DMD: variants seen among roughly 807,000 people sequenced by gnomAD.
DMD encodes mutant dystrophin.
In DMD, 63 loss-of-function variants were observed where a neutral mutation model predicts 330.1. The ratio of observed to expected loss-of-function variants is 0.19; its 90% confidence interval spans 0.16 to 0.24. DMD has a LOEUF of 0.24. Ranked by LOEUF, DMD falls within the 10% of genes least tolerant of loss-of-function variation. DMD has a pLI of 1.00. For missense variants in DMD, 3,344 were observed against 2,684.1 expected, an observed-to-expected ratio of 1.25 and a Z score of -5.43; for synonymous variants, 1,223 against 959.8, an observed-to-expected ratio of 1.27 and a Z score of -5.07.
intron 62 of DMD, among the ~76,000 whole-genome samples, chrX:31,297,149 G>A (rs2054251380): frequency 9.0e-6 from 1 of 111,345 alleles, no homozygotes; most frequent in African/African-American, 3.3e-5. Flanking sequence ...ACTCAAGTCT[G>A]TAATTATATA....
At chrX:32,667,767 G>GTTTT (rs201162726) in intron 9 of DMD, among the ~76,000 whole-genome samples, 4,956 of 81,516 alleles carry the variant, frequency 0.061, 174 homozygotes, top group African/African-American at 0.12. Context: ...CTGCTTTTGT[G>GTTTT]TTTTTTTTTT....
At chrX:31,328,944 C>T (rs2056945946) in intron 61 of DMD, among the ~76,000 whole-genome samples, 1 of 112,020 alleles carries the variant, frequency 8.9e-6, no homozygotes, top group South Asian at 3.7e-4. Context: ...GAGAGAAATG[C>T]CTTTGAATAG....
At chrX:31,959,105 A>T in intron 45 of DMD, among the ~76,000 whole-genome samples, 1 of 111,811 alleles carries the variant, frequency 8.9e-6, no homozygotes, top group Non-Finnish European at 1.9e-5. Flanking sequence ...TGAATCTGTC[A>T]GGTTTTTAAA....
At chrX:32,043,713 T>C (rs2096031348) in intron 44 of DMD, among the ~76,000 whole-genome samples, 2 of 111,891 alleles carry the variant, frequency 1.8e-5, no homozygotes, top group African/African-American at 6.5e-5. Flanking sequence ...TTACGTAGGT[T>C]AACTCCCATA....
chrX:32,206,323 G>A, intron 44 of DMD: 1 of 543,786 alleles, frequency 1.8e-6, no homozygotes, highest in East Asian at 3.7e-5. Flanking sequence ...TCTGCTCCTG[G>A]AGGTGGTAGC....
rs73617072 is a variant in DMD, at chrX:31,294,464, T to A, written c.9224+29134A>T. 3.6e-3 allele frequency among the ~76,000 whole-genome samples: 409 copies of A among 112,433 alleles called. 1 individual carries two copies. The highest frequency in any genetic ancestry group is 0.012 in the African/African-American group (383 of 30,972). ...GACCATGGGATCAGGTATCAGAAGA[T>A]CTGGTTTTCTAGACCAGTTTAGCCA... On this transcript the variant is annotated intron_variant, in intron 62 of 78. Transcript: ENST00000357033.
intron 43 of DMD, among the ~76,000 whole-genome samples, chrX:32,223,475 G>T (rs751367027): frequency 9.0e-6 from 1 of 111,405 alleles, no homozygotes; most frequent in Non-Finnish European, 1.9e-5. Context: ...AAGTAGTTTT[G>T]GTTTGGGGCT....
At chrX:31,777,467 C>T in intron 50 of DMD, among the ~76,000 whole-genome samples, 1 of 101,497 alleles carries the variant, frequency 9.9e-6, no homozygotes, top group Admixed American at 1.1e-4. Flanking sequence ...TGAATCCTTG[C>T]TCTATAATTT....
intron 9 of DMD, among the ~76,000 whole-genome samples, chrX:32,681,619 T>C (rs1364920092): frequency 8.9e-6 from 1 of 111,755 alleles, no homozygotes; most frequent in Non-Finnish European, 1.9e-5. Flanking sequence ...TTCACTCAAC[T>C]CTTAGAATAT....
chrX:32,514,647 A>G (rs1366704887), intron 18 of DMD, among the ~76,000 whole-genome samples: 1 of 112,477 alleles, frequency 8.9e-6, no homozygotes, highest in Non-Finnish European at 1.9e-5. Context: ...AGGCTGAGGC[A>G]GGAGAACGGC....
chrX:32,472,366 G>C (rs2040749598), intron 21 of DMD, 57 bp from the exon 22 acceptor site: 1 of 1,143,630 alleles, frequency 8.7e-7, no homozygotes, highest in African/African-American at 1.8e-5. Context: ...ACTTTGCCAT[G>C]TTTTCCTAAA....
At chrX:32,934,313 G>T (rs779295020) in intron 2 of DMD, among the ~76,000 whole-genome samples, 1 of 111,191 alleles carries the variant, frequency 9.0e-6, no homozygotes, top group East Asian at 2.8e-4. Context: ...TAATCCCCCT[G>T]GGAGGCTGAG....
Position 32,669,028 on chromosome X carries a change from T to C in DMD, c.961-23876A>G, listed in dbSNP as rs751582425. ...ATACACAGGAATTTACGGTGTACTGTAGATTCCTACCACAGAGTGTATCAT... is the reference window on the plus strand; with the variant it reads ...ATACACAGGAATTTACGGTGTACTGCAGATTCCTACCACAGAGTGTATCAT... On this transcript the variant is annotated intron_variant, in intron 9 of 78. Coordinates refer to ENST00000357033, the MANE Select transcript of DMD (RefSeq NM_004006.3). 1.2e-3 allele frequency among the ~76,000 whole-genome samples: 130 copies of C among 111,297 alleles called. 2 individuals carry two copies. Among genetic ancestry groups the C allele is most frequent in the Non-Finnish European group, 2.1e-3 (109 of 53,051 alleles).
intron 42 of DMD, among the ~76,000 whole-genome samples, chrX:32,293,021 A>G (rs2097480320): frequency 8.9e-6 from 1 of 112,499 alleles, no homozygotes; most frequent in Non-Finnish European, 1.9e-5. Flanking sequence ...ATTTCAAGGC[A>G]TTCTCTTCCA....
At chrX:33,097,270 T>G (rs1603275728) in intron 1 of DMD, among the ~76,000 whole-genome samples, 1 of 109,522 alleles carries the variant, frequency 9.1e-6, no homozygotes, top group East Asian at 2.9e-4. Flanking sequence ...TGGTTCCACA[T>G]AGAAGCAGAA....
In DMD at chrX:32,325,876, T is replaced by C. The variant is rs331311; in HGVS notation, c.5923-15600A>G. Among the ~76,000 whole-genome samples, 475 of 107,155 alleles carry C rather than the reference T, an allele frequency of 4.4e-3. 2 individuals are homozygous for C. The highest frequency in any genetic ancestry group is 7.5e-3 in the Non-Finnish European group (390 of 52,022). The allele number at this position is 107,155 out of a possible 115,157, so 93.1% of individuals were successfully genotyped here. The stretch of plus-strand genomic sequence containing the variant: ...TGGAGTGCAGTGGCTTGATCTCGGC[T>C]CACTGCAAACTACACTTCCCAGGTT... On this transcript the variant is annotated intron_variant, in intron 41 of 78. Transcript: ENST00000357033.
chrX:32,192,977 G>C (rs1296318834), intron 44 of DMD, among the ~76,000 whole-genome samples: 1 of 112,073 alleles, frequency 8.9e-6, no homozygotes, highest in African/African-American at 3.2e-5. Flanking sequence ...ACTGGATCAT[G>C]TGTGTGGATT....
chrX:31,432,344 C>T (rs2064151023), intron 60 of DMD, among the ~76,000 whole-genome samples: 1 of 111,188 alleles, frequency 9.0e-6, no homozygotes, highest in South Asian at 3.8e-4. Context: ...CCCAGCAGGG[C>T]GGAAAGGATT....
intron 47 of DMD, among the ~76,000 whole-genome samples, chrX:31,893,427 T>C (rs1025644862): frequency 1.8e-5 from 2 of 111,744 alleles, no homozygotes; most frequent in Middle Eastern, 4.6e-3. Flanking sequence ...TACAGTTTTG[T>C]CTGAAGCACA....
Sources: allele counts gnomAD v4.1 joint callset (sites outside exome capture counted in the v4.1 genomes callset), GRCh38; gene constraint gnomAD v4.1.1; transcripts MANE v1.5; gene names NCBI Gene and HGNC (gene_info 2026-07-23, HGNC 2026-07-21).